Variants in PUM1 observed in about 807,000 individuals in gnomAD.
PUM1 encodes pumilio homolog 1.
In PUM1, 13 loss-of-function variants were observed where a neutral mutation model predicts 131.8. The ratio of observed to expected loss-of-function variants is 0.10; its 90% confidence interval spans 0.06 to 0.16. The LOEUF (loss-of-function observed/expected upper bound fraction) is 0.16. PUM1 is among the 10% of genes least tolerant of loss of function. The pLI is 1.00. For missense variants in PUM1, 961 were observed against 1,512.4 expected (o/e 0.64, Z 6.05); for synonymous variants, 509 against 556.5 (o/e 0.91, Z 1.20).
intron 2 of PUM1, among the ~76,000 whole-genome samples, chr1:31,056,498 G>A (rs565379236): frequency 6.6e-6 from 1 of 151,488 alleles, no homozygotes; most frequent in Non-Finnish European, 1.5e-5. Context: ...GGCCAGGCTG[G>A]TCTTGAACTC....
intron 21 of PUM1, among the ~76,000 whole-genome samples, chr1:30,933,806 C>T (rs1639080903): frequency 6.6e-6 from 1 of 152,206 alleles, no homozygotes; most frequent in Non-Finnish European, 1.5e-5. Flanking sequence ...CCTGAGCTCA[C>T]CACTTGACCC....
Position 30,937,248 on chromosome 1 carries a change from C to T in PUM1, c.3243-413G>A, listed in dbSNP as rs147547507. On this transcript the variant is annotated intron_variant, in intron 20 of 21. Transcript: ENST00000426105. ...CAAGGTTCAGGACACTGGTTCACCA[C>T]CAGCTGGTTATTATTTTAACACTTA... is the stretch of plus-strand genomic sequence containing the variant. 1.5e-3 allele frequency among the ~76,000 whole-genome samples: 227 copies of T among 152,264 alleles called. 1 individual carries two copies. Among genetic ancestry groups the T allele is most frequent in the East Asian group, 1.7e-3 (9 of 5,154 alleles).
chr1:31,012,218 A>G (rs931867279), intron 3 of PUM1, among the ~76,000 whole-genome samples: 13 of 151,598 alleles, frequency 8.6e-5, no homozygotes, highest in Non-Finnish European at 1.8e-4. Context: ...TTCCTTAAAA[A>G]AAAAAAATCA....
intron 3 of PUM1, among the ~76,000 whole-genome samples, chr1:31,011,203 ACT>A (rs1491043247): frequency 4.0e-5 from 6 of 149,338 alleles, no homozygotes; most frequent in Admixed American, 1.3e-4. Context: ...ACACACACAC[ACT>A]GTGCTGTTTT....
intron 5 of PUM1, among the ~76,000 whole-genome samples, chr1:30,998,982 G>A (rs1642084898): frequency 6.6e-6 from 1 of 150,812 alleles, no homozygotes. Flanking sequence ...ATTCATAGCT[G>A]TGTGGTGTTT....
chr1:31,011,025 G>T (rs1642592722), intron 3 of PUM1, among the ~76,000 whole-genome samples: 1 of 152,134 alleles, frequency 6.6e-6, no homozygotes. Context: ...CGGAGTGGTG[G>T]CACACCCCTG....
At chr1:31,052,055 C>G (rs939614145) in intron 2 of PUM1, among the ~76,000 whole-genome samples, 7 of 152,042 alleles carry the variant, frequency 4.6e-5, no homozygotes, top group Admixed American at 4.6e-4. Flanking sequence ...CTCTGTCGCC[C>G]AGGCTGGAGG....
chr1:30,991,259 G>T (rs933964336), intron 7 of PUM1, among the ~76,000 whole-genome samples: 11 of 152,124 alleles, frequency 7.2e-5, no homozygotes, highest in Non-Finnish European at 1.2e-4. Flanking sequence ...ACTAAGAACT[G>T]CACGGAGAAG....
At chr1:30,973,407 C>T (rs1641008480) in intron 10 of PUM1, among the ~76,000 whole-genome samples, 1 of 152,130 alleles carries the variant, frequency 6.6e-6, no homozygotes, top group Non-Finnish European at 1.5e-5. Context: ...AGCCTAAGTG[C>T]TGATTTTATT....
At chr1:30,976,007 G>C (rs550743283) in intron 9 of PUM1, among the ~76,000 whole-genome samples, 3 of 149,676 alleles carry the variant, frequency 2.0e-5, no homozygotes, top group African/African-American at 7.4e-5. Context: ...AGAACTGCTT[G>C]AACCCAGGAG....
In PUM1 at chr1:31,011,252, A is replaced by G. The variant is rs1642608284; in HGVS notation, c.433-4150T>C. Among the ~76,000 whole-genome samples the G allele has an allele frequency of 2.0e-5, 3 of 152,070 alleles. No homozygotes were observed. The South Asian group carries it at 6.2e-4, about 31-fold the overall frequency. ...TTTTAGGGTGATTTGTTAAGCAGCA[A>G]TAACACTGTTGTGAATATGTGGAAG... On this transcript the variant is annotated intron_variant, in intron 3 of 21. Coordinates refer to ENST00000426105, the MANE Select transcript of PUM1 (RefSeq NM_001020658.2).
At position 30,938,932 on chromosome 1, in the gene PUM1, C is replaced by T. The variant is rs868310600; in HGVS notation, c.3243-2097G>A. Among the ~76,000 whole-genome samples the T allele has an allele frequency of 5.3e-3, 745 of 139,648 alleles. 4 individuals are homozygous for T. Among genetic ancestry groups the T allele is most frequent in the East Asian group, 0.031 (156 of 5,078 alleles). 91.6% of individuals were successfully genotyped at this position (139,648 alleles called of 152,430 possible). On this transcript the variant is annotated intron_variant, in intron 20 of 21. Coordinates refer to ENST00000426105, the MANE Select transcript of PUM1 (RefSeq NM_001020658.2). ...ACAGACAGACAGACAGACAGACAGA[C>T]AGACAGACAGACAGATAGACAGATA...
chr1:30,979,171 C>T (rs1014973801), intron 9 of PUM1, among the ~76,000 whole-genome samples: 1 of 149,552 alleles, frequency 6.7e-6, no homozygotes, highest in Non-Finnish European at 1.5e-5. Flanking sequence ...CTCATGTATA[C>T]ATCCCACAAG....
chr1:30,995,004 C>T, intron 6 of PUM1, 50 bp downstream of exon 6: 1 of 1,554,076 alleles, frequency 6.4e-7, no homozygotes, highest in Non-Finnish European at 8.7e-7. Flanking sequence ...TCAAAACAAA[C>T]AAAATCCCAT....
chr1:30,955,459 C>T (rs1437675237), intron 14 of PUM1, among the ~76,000 whole-genome samples: 1 of 135,362 alleles, frequency 7.4e-6, no homozygotes, highest in Non-Finnish European at 1.6e-5. Flanking sequence ...AGCAAGACTC[C>T]ATCTGAAAAA....
chr1:31,026,944 C>CAAAA (rs35459131), intron 3 of PUM1, among the ~76,000 whole-genome samples: 1 of 106,522 alleles, frequency 9.4e-6, no homozygotes, highest in African/African-American at 3.2e-5. Context: ...ACATATACCA[C>CAAAA]AAAAAAAAAA....
chr1:30,976,624 G>A (rs1046720160), intron 9 of PUM1, among the ~76,000 whole-genome samples: 1 of 152,096 alleles, frequency 6.6e-6, no homozygotes, highest in Admixed American at 6.6e-5. Context: ...TTCTAATTTG[G>A]TGTTTTCTAT....
intron 5 of PUM1, among the ~76,000 whole-genome samples, chr1:30,999,042 C>T (rs902339604): frequency 6.6e-6 from 1 of 151,984 alleles, no homozygotes; most frequent in African/African-American, 2.4e-5. Context: ...GCTCTTTCAC[C>T]CTGACTAGAA....
intron 2 of PUM1, among the ~76,000 whole-genome samples, chr1:31,057,724 CAAAAAAAAAAA>C (rs58490041): frequency 7.5e-4 from 54 of 72,482 alleles, no homozygotes; most frequent in Admixed American, 1.5e-3. Flanking sequence ...GACTCCATCT[CAAAAAAAAAAA>C]AAAAAAAAAA....
Sources: allele counts gnomAD v4.1 joint callset (sites outside exome capture counted in the v4.1 genomes callset), GRCh38; gene constraint gnomAD v4.1.1; transcripts MANE v1.5; gene names NCBI Gene and HGNC (gene_info 2026-07-23, HGNC 2026-07-21).